MICAL2: variants seen among roughly 807,000 people sequenced by gnomAD.
MICAL2 encodes [F-actin]-monooxygenase MICAL2.
Under a neutral mutation model 127.3 loss-of-function variants are expected in MICAL2, and 77 were observed. The observed-to-expected ratio is 0.60, with a 90% confidence interval of 0.50 to 0.73. MICAL2 has a LOEUF of 0.73. MICAL2 is among the 30% of genes least tolerant of loss of function. The pLI, the probability that MICAL2 is intolerant of heterozygous loss-of-function variation, is 0.00. For missense variants in MICAL2, 1,351 were observed against 1,434.4 expected (o/e 0.94, Z 0.94); for synonymous variants, 570 against 551.1 (o/e 1.03, Z -0.48).
intron 32 of MICAL2, among the ~76,000 whole-genome samples, chr11:12,341,331 G>A (rs147896653): frequency 6.6e-6 from 1 of 152,048 alleles, no homozygotes; most frequent in East Asian, 1.9e-4. Flanking sequence ...CTAAGGAGGT[G>A]CAAAATCACA....
At chr11:12,314,837 C>T (rs147254488) in intron 29 of MICAL2, among the ~76,000 whole-genome samples, 51 of 152,018 alleles carry the variant, frequency 3.4e-4, no homozygotes, top group African/African-American at 1.2e-3. Flanking sequence ...TGATTGCTGT[C>T]ATATATTTTA....
At chr11:12,306,067 C>T (rs2134814103) in intron 29 of MICAL2, among the ~76,000 whole-genome samples, 1 of 152,018 alleles carries the variant, frequency 6.6e-6, no homozygotes. Flanking sequence ...ATTTTTCTTG[C>T]TTATAATACA....
intron 27 of MICAL2, 196 bp downstream of exon 27, chr11:12,262,733 C>T: frequency 1.8e-6 from 1 of 567,040 alleles, no homozygotes; most frequent in South Asian, 2.1e-5. Context: ...GTGTTCATTT[C>T]CCATGGAGCT....
rs1205244722 is a variant in MICAL2, at chr11:12,223,511, C to A, written c.1540+10C>A. ...AACCTCTCCAGGAAGGGTAAGCGGC[C>A]CTCCTGGGACCCTGGTGGGTGGCTG... On this transcript the variant is annotated intron_variant, in intron 12 of 27. Coordinates refer to ENST00000683283, the MANE Select transcript of MICAL2 (RefSeq NM_001282663.2). 7 of 1,611,612 alleles carry A rather than the reference C, an allele frequency of 4.3e-6. No individual in the cohort carries two copies. The highest frequency in any genetic ancestry group is 1.7e-5 in the Admixed American group (1 of 60,014).
chr11:12,162,457 G>A (rs374776470), intron 3 of MICAL2, 38 bp downstream of exon 3: 181 of 1,606,694 alleles, frequency 1.1e-4, no homozygotes, highest in Non-Finnish European at 1.5e-4. Context: ...TTTGCAGGGC[G>A]TGTGGGTTGA....
intron 3 of MICAL2, among the ~76,000 whole-genome samples, chr11:12,168,818 G>A (rs529639360): frequency 6.6e-5 from 10 of 151,804 alleles, no homozygotes; most frequent in South Asian, 2.1e-4. Flanking sequence ...GCACCCCACC[G>A]TGCCTGTGGT....
chr11:12,255,137 T>C (rs139522638), intron 22 of MICAL2: 10,154 of 156,182 alleles, frequency 0.065, 416 homozygotes, highest in Middle Eastern at 0.12. Flanking sequence ...AGGCTGGTCT[T>C]GAACTCCGGA....
At chr11:12,338,869 T>C (rs148275051) in intron 32 of MICAL2, among the ~76,000 whole-genome samples, 2,251 of 152,348 alleles carry the variant, frequency 0.015, 27 homozygotes, top group South Asian at 0.026. Flanking sequence ...CTGACCTTTC[T>C]CTCTGGCTGC....
intron 2 of MICAL2, among the ~76,000 whole-genome samples, chr11:12,283,182 T>C (rs1485529852): frequency 6.6e-6 from 1 of 152,118 alleles, no homozygotes; most frequent in Non-Finnish European, 1.5e-5. Context: ...GGTAACCCCA[T>C]CACTTTACCA....
chr11:12,335,244 A>G (rs1426045103), intron 32 of MICAL2, among the ~76,000 whole-genome samples: 1 of 152,036 alleles, frequency 6.6e-6, no homozygotes, highest in Non-Finnish European at 1.5e-5. Context: ...GGCTGCATAA[A>G]TGTCTTCTTT....
intron 3 of MICAL2, among the ~76,000 whole-genome samples, chr11:12,165,826 G>T (rs1219649186): frequency 2.0e-5 from 3 of 152,246 alleles, no homozygotes; most frequent in Admixed American, 2.0e-4. Context: ...TGGCCTGAGA[G>T]CTCTCTAGAG....
At chr11:12,179,115 A>G (rs933412965) in intron 3 of MICAL2, among the ~76,000 whole-genome samples, 2 of 151,836 alleles carry the variant, frequency 1.3e-5, no homozygotes, top group Non-Finnish European at 2.9e-5. Context: ...CAAAACTCCC[A>G]CTGCCTGTGG....
At chr11:12,256,529 G>T in intron 23 of MICAL2, 1 of 381,168 alleles carries the variant, frequency 2.6e-6, no homozygotes, top group Non-Finnish European at 4.7e-6. Flanking sequence ...AGCCAACCTC[G>T]GGGAGAGCCC....
downstream of MICAL2, among the ~76,000 whole-genome samples, chr11:12,264,142 T>A (rs1414868540): frequency 6.6e-6 from 1 of 152,190 alleles, no homozygotes; most frequent in African/African-American, 2.4e-5. Context: ...AGCGTGGCTC[T>A]ACAGGAGAGC....
Position 12,318,835 on chromosome 11 carries a change from C to T in MICAL2, c.5213-861C>T, listed in dbSNP as rs141419344. ...GGAAGACCTTATCACACATGGTCCC[C>T]GGCCAGATCACAGAGCGATTCTAGT... is the stretch of plus-strand genomic sequence containing the variant. On this transcript the variant is annotated intron_variant, in intron 29 of 34. Coordinates refer to the MICAL2 transcript ENST00000646065. Among the ~76,000 whole-genome samples the T allele has an allele frequency of 1.5e-3, 232 of 152,248 alleles. 2 individuals are homozygous for T. Among genetic ancestry groups the T allele is most frequent in the African/African-American group, 5.0e-3 (209 of 41,546 alleles).
intron 33 of MICAL2, among the ~76,000 whole-genome samples, chr11:12,353,466 T>C (rs1939084964): frequency 6.6e-6 from 1 of 151,506 alleles, no homozygotes; most frequent in African/African-American, 2.4e-5. Flanking sequence ...AAACTGTTTC[T>C]TTATCTATAG....
At chr11:12,343,697 T>G (rs563256683) in intron 32 of MICAL2, among the ~76,000 whole-genome samples, 3 of 152,222 alleles carry the variant, frequency 2.0e-5, no homozygotes, top group African/African-American at 7.2e-5. Flanking sequence ...CAAAATAGTG[T>G]CTTGAAAGCT....
chr11:12,260,847 A>G (rs954205820), intron 26 of MICAL2: 1 of 985,428 alleles, frequency 1.0e-6, no homozygotes, highest in Non-Finnish European at 1.2e-6. Context: ...TCCCCCCCAT[A>G]CCAACTCACA....
intron 25 of MICAL2, among the ~76,000 whole-genome samples, chr11:12,258,799 A>G (rs1359203666): frequency 6.6e-6 from 1 of 152,220 alleles, no homozygotes; most frequent in African/African-American, 2.4e-5. Flanking sequence ...TTCTCATAAG[A>G]AGCCTGGAAG....
Sources: allele counts gnomAD v4.1 joint callset (sites outside exome capture counted in the v4.1 genomes callset), GRCh38; gene constraint gnomAD v4.1.1; transcripts MANE v1.5; gene names NCBI Gene and HGNC (gene_info 2026-07-23, HGNC 2026-07-21).